The following ABL1 variants were observed in gnomAD, a reference collection of about 807,000 sequenced individuals.
ABL1 encodes tyrosine-protein kinase ABL1.
A neutral mutation model predicts 94.7 loss-of-function variants in ABL1; 11 were observed. The ratio of observed to expected loss-of-function variants is 0.12; its 90% CI spans 0.07 to 0.19. ABL1 has a LOEUF of 0.19. Ranked by LOEUF, ABL1 falls within the 10% of genes least tolerant of loss-of-function variation. The pLI is 1.00. For missense variants in ABL1, 1,082 were observed against 1,489.4 expected (o/e 0.73, Z 4.50); for synonymous variants, 656 against 622.4 (o/e 1.05, Z -0.80).
chr9:130,819,532 CTT>C (rs34341889), intron 1 of ABL1, among the ~76,000 whole-genome samples: 6,292 of 95,978 alleles, frequency 0.066, 192 homozygotes, highest in African/African-American at 0.19. Context: ...AGAAAAATAC[CTT>C]TTTTTTTTTT....
intron 1 of ABL1, among the ~76,000 whole-genome samples, chr9:130,776,636 T>C (rs985789007): frequency 6.6e-6 from 1 of 151,078 alleles, no homozygotes; most frequent in East Asian, 1.9e-4. Context: ...GGGGGCTGCC[T>C]GTTGGTGGAC....
At chr9:130,745,954 G>A (rs1831882730) in intron 1 of ABL1, among the ~76,000 whole-genome samples, 1 of 152,166 alleles carries the variant, frequency 6.6e-6, no homozygotes, top group South Asian at 2.1e-4. Flanking sequence ...GTGAATGGAA[G>A]TACAGACTCT....
chr9:130,803,431 T>C (rs1830083423), intron 1 of ABL1, among the ~76,000 whole-genome samples: 2 of 152,340 alleles, frequency 1.3e-5, no homozygotes, highest in African/African-American at 4.8e-5. Context: ...TTCTGTCATG[T>C]CTGTGCATGA....
intron 1 of ABL1, among the ~76,000 whole-genome samples, chr9:130,811,788 C>T (rs548643484): frequency 4.6e-5 from 7 of 151,204 alleles, no homozygotes; most frequent in Non-Finnish European, 7.4e-5. Context: ...GGCACCTGCC[C>T]GTAATCTCAG....
chr9:130,864,580 G>C (rs1831125881), intron 4 of ABL1, among the ~76,000 whole-genome samples: 1 of 152,148 alleles, frequency 6.6e-6, no homozygotes, highest in Admixed American at 6.6e-5. Context: ...TATTTATCAA[G>C]TTCTTCACTT....
chr9:130,840,212 C>G (rs141230349), intron 1 of ABL1, among the ~76,000 whole-genome samples: 254 of 152,282 alleles, frequency 1.7e-3, no homozygotes, highest in African/African-American at 4.8e-3. Flanking sequence ...GCTAATAAAG[C>G]AGTTTGTTTC....
rs781095816 is a variant in ABL1, at chr9:130,885,566, T to A, written c.3276T>A (p.Asn1092Lys). ...AFREAINKLENNLRELQICPA... is the reference protein window; with the variant it reads ...AFREAINKLEKNLRELQICPA... Reference sequence around the variant, plus strand: ...GAGAGGCCATCAACAAACTGGAGAATAATCTCCGGGAGCTTCAGATCTGCC... The same window carrying A: ...GAGAGGCCATCAACAAACTGGAGAAAAATCTCCGGGAGCTTCAGATCTGCC... Residue 1092 changes from asparagine (N) to lysine (K), a missense_variant, in exon 11 of 11, where the codon AAT (asparagine) becomes AAA (lysine). By Grantham distance (94) the Asn-to-Lys change is moderately conservative. Coordinates refer to ENST00000318560, the MANE Select transcript of ABL1 (RefSeq NM_005157.6). 1 of 1,614,040 alleles carries A rather than the reference T, an allele frequency of 6.2e-7. No homozygotes were observed. The highest frequency in any genetic ancestry group is 8.5e-7 in the Non-Finnish European group (1 of 1,180,044).
chr9:130,817,436 A>G (rs1830301892), intron 1 of ABL1, among the ~76,000 whole-genome samples: 4 of 152,098 alleles, frequency 2.6e-5, no homozygotes. Flanking sequence ...AGCACTCCAC[A>G]AGTTACTTCC....
chr9:130,803,003 C>CT (rs1830076602), intron 1 of ABL1, among the ~76,000 whole-genome samples: 1 of 152,028 alleles, frequency 6.6e-6, no homozygotes. Flanking sequence ...CTTCCCCTGC[C>CT]TTTTTCCCTT....
At chr9:130,825,529 A>G (rs1317417492) in intron 1 of ABL1, among the ~76,000 whole-genome samples, 2 of 152,230 alleles carry the variant, frequency 1.3e-5, no homozygotes, top group Non-Finnish European at 2.9e-5. Context: ...CATAAATCTT[A>G]TCACACAGAT....
chr9:130,724,446 T>G (rs1831552946), intron 1 of ABL1, among the ~76,000 whole-genome samples: 1 of 152,134 alleles, frequency 6.6e-6, no homozygotes, highest in South Asian at 2.1e-4. Context: ...ATGAATATAC[T>G]TATATATGTT....
At chr9:130,795,010 TC>T (rs1289438651) in intron 1 of ABL1, among the ~76,000 whole-genome samples, 1 of 152,144 alleles carries the variant, frequency 6.6e-6, no homozygotes, top group Non-Finnish European at 1.5e-5. Context: ...TAGATTAATC[TC>T]CCTTTTGCTG....
intron 3 of ABL1, among the ~76,000 whole-genome samples, chr9:130,857,233 T>C (rs1830988774): frequency 6.6e-6 from 1 of 152,222 alleles, no homozygotes; most frequent in Non-Finnish European, 1.5e-5. Flanking sequence ...CAGAACTGAC[T>C]GAAGGTTATG....
intron 1 of ABL1, among the ~76,000 whole-genome samples, chr9:130,734,260 C>T (rs1361964701): frequency 3.3e-5 from 5 of 149,542 alleles, no homozygotes; most frequent in African/African-American, 1.2e-4. Context: ...GTCACCCAGG[C>T]TGGAGTGCAG....
At chr9:130,714,948 G>A (rs1410003910) in intron 1 of ABL1, among the ~76,000 whole-genome samples, 1 of 152,078 alleles carries the variant, frequency 6.6e-6, no homozygotes, top group East Asian at 1.9e-4. Flanking sequence ...CTTTTCCTTC[G>A]TAAGTAGGAC....
chr9:130,720,407 G>C (rs879651274), intron 1 of ABL1, among the ~76,000 whole-genome samples: 1 of 152,160 alleles, frequency 6.6e-6, no homozygotes, highest in Non-Finnish European at 1.5e-5. Flanking sequence ...TGAAATATGT[G>C]AAAGAATTTC....
At chr9:130,750,660 T>C (rs1174033189) in intron 1 of ABL1, among the ~76,000 whole-genome samples, 7 of 138,838 alleles carry the variant, frequency 5.0e-5, no homozygotes, top group African/African-American at 1.9e-4. Context: ...TTTTTTTTTT[T>C]TTTTGAGACA....
intron 1 of ABL1, among the ~76,000 whole-genome samples, chr9:130,760,695 G>A (rs1289898928): frequency 6.7e-6 from 1 of 149,456 alleles, no homozygotes; most frequent in African/African-American, 2.5e-5. Flanking sequence ...ATGGAGTCTC[G>A]CTCTGTCGCC....
intron 1 of ABL1, among the ~76,000 whole-genome samples, chr9:130,809,166 G>A (rs934155306): frequency 6.6e-6 from 1 of 152,152 alleles, no homozygotes; most frequent in African/African-American, 2.4e-5. Flanking sequence ...TGCCCAGGGA[G>A]CCCACTCGAG....
Sources: gnomAD v4.1 joint callset for allele counts (sites outside exome capture counted in the v4.1 genomes callset) on GRCh38, gnomAD v4.1.1 for gene constraint, MANE v1.5 for transcripts, NCBI Gene and HGNC (gene_info 2026-07-23, HGNC 2026-07-21) for gene names.